The following SLC17A6 variants were observed in gnomAD, a reference collection of about 807,000 sequenced individuals.
The protein encoded by SLC17A6 is solute carrier family 17 member 6.
Under a neutral mutation model 67.1 loss-of-function variants are expected in SLC17A6, and 35 were observed. The observed-to-expected ratio is 0.52, with a 90% CI of 0.40 to 0.69. SLC17A6 has a LOEUF of 0.69. SLC17A6 is among the 30% of genes least tolerant of loss of function. The pLI is 0.00. For missense variants in SLC17A6, 588 were observed against 723.9 expected, an observed-to-expected ratio of 0.81 and a Z score of 2.15; for synonymous variants, 285 against 252.3, an observed-to-expected ratio of 1.13 and a Z score of -1.23.
intron 5 of SLC17A6, among the ~76,000 whole-genome samples, 167 bp from the exon 6 acceptor site, chr11:22,362,572 C>T (rs957095079): frequency 6.6e-6 from 1 of 152,006 alleles, no homozygotes; most frequent in African/African-American, 2.4e-5. Context: ...TTCCTGTGTA[C>T]GTATGTAGAC....
At chr11:22,353,706 A>T (rs1043959164) in intron 3 of SLC17A6, among the ~76,000 whole-genome samples, 1 of 152,156 alleles carries the variant, frequency 6.6e-6, no homozygotes, top group South Asian at 2.1e-4. Flanking sequence ...TTTTTAAAGG[A>T]CATCTTCCAT....
At chr11:22,340,178 T>C (rs928033480) in intron 1 of SLC17A6, among the ~76,000 whole-genome samples, 9 of 152,186 alleles carry the variant, frequency 5.9e-5, no homozygotes, top group Non-Finnish European at 1.0e-4. Flanking sequence ...GTGAAAACAA[T>C]TGGGTGTTCA....
At chr11:22,349,530 T>TC (rs1170172760) in intron 3 of SLC17A6, among the ~76,000 whole-genome samples, 1 of 152,192 alleles carries the variant, frequency 6.6e-6, no homozygotes, top group Non-Finnish European at 1.5e-5. Context: ...CATTCTCCAA[T>TC]CCCTTACCCC....
chr11:22,365,482 A>C, intron 6 of SLC17A6, 65 bp from the exon 7 acceptor site: 1 of 1,502,010 alleles, frequency 6.7e-7, no homozygotes, highest in South Asian at 1.1e-5. Flanking sequence ...AGATGATTGC[A>C]GTTTTATTGC....
At position 22,376,522 on chromosome 11, in the gene SLC17A6, C is replaced by A. The variant is rs1856234436; in HGVS notation, c.1286-23C>A. ...CTAAGACGTTTAGGATGCCCTGAGT[C>A]AAAACTTATGTGTGTATTTCAGGTT... On this transcript the variant is annotated intron_variant, in intron 10 of 11. Transcript: ENST00000263160. The A allele has an allele frequency of 1.9e-6, 3 of 1,613,472 alleles. No individual in the cohort carries two copies. In the South Asian group the frequency reaches 3.3e-5, roughly 18 times the overall value.
chr11:22,338,733 T>C (rs1590374224), intron 1 of SLC17A6, 114 bp downstream of exon 1: 1 of 756,936 alleles, frequency 1.3e-6, no homozygotes, highest in Non-Finnish European at 2.2e-6. Flanking sequence ...AAAGTCTTTT[T>C]GTTGCCCATT....
chr11:22,358,008 A>T (rs1436919573), intron 3 of SLC17A6, among the ~76,000 whole-genome samples: 1 of 152,188 alleles, frequency 6.6e-6, no homozygotes, highest in Non-Finnish European at 1.5e-5. Flanking sequence ...GTTTTAATTC[A>T]CTGCTGTTTG....
At chr11:22,343,049 A>T in intron 2 of SLC17A6, 198 bp from the exon 3 acceptor site, 1 of 644,226 alleles carries the variant, frequency 1.6e-6, no homozygotes, top group East Asian at 2.8e-5. Flanking sequence ...TATTAATCAC[A>T]ATACATTTTG....
At chr11:22,362,025 A>G (rs1856058355) in intron 5 of SLC17A6, among the ~76,000 whole-genome samples, 1 of 151,066 alleles carries the variant, frequency 6.6e-6, no homozygotes, top group African/African-American at 2.4e-5. Flanking sequence ...TATGTCTAAG[A>G]CCTTTTTTTT....
At chr11:22,347,415 C>T (rs766803376) in intron 3 of SLC17A6, among the ~76,000 whole-genome samples, 55 of 151,964 alleles carry the variant, frequency 3.6e-4, no homozygotes, top group Non-Finnish European at 7.1e-4. Context: ...TGGGTCGTAA[C>T]AGCTAAATAT....
intron 7 of SLC17A6, among the ~76,000 whole-genome samples, chr11:22,367,281 TA>T (rs748609871): frequency 4.1e-3 from 583 of 142,560 alleles, no homozygotes; most frequent in Middle Eastern, 7.2e-3. Context: ...CATCATAGGT[TA>T]AAAAAAAAAA....
At position 22,365,697 on chromosome 11, in the gene SLC17A6, A is replaced by G. The variant is rs1856104311; in HGVS notation, c.891+8A>G. The G allele has an allele frequency of 6.2e-7, 1 of 1,612,130 alleles. No homozygotes were observed. Among genetic ancestry groups the G allele is most frequent in the Non-Finnish European group, 8.5e-7 (1 of 1,179,150 alleles). Reference sequence around the variant, plus strand: ...CTTTTAGGTGCAATGGAAGTAAGAAATTTATTATGGTGTATATTCCTATCT... The same window carrying G: ...CTTTTAGGTGCAATGGAAGTAAGAAGTTTATTATGGTGTATATTCCTATCT... On this transcript the variant is annotated splice_region_variant and intron_variant, in intron 7 of 11. Transcript: ENST00000263160.
chr11:22,341,733 A>C lies in SLC17A6; in HGVS notation c.292A>C (p.Met98Leu). 1 of 1,614,166 alleles carries C rather than the reference A, an allele frequency of 6.2e-7. No individual in the cohort carries two copies. Residue 98 changes from methionine to leucine, a missense_variant, in exon 2 of 12, where the codon ATG (methionine) becomes CTG (leucine). By Grantham distance (15) the Met-to-Leu change is conservative. Around this residue, in one of 4 missense-constraint regions of SLC17A6, gnomAD observed 48 missense variants for 36.5 expected, o/e 1.32. Transcript: ENST00000263160. ...RCNLGVAIVD[M>L]VNNSTIHRGG... The stretch of plus-strand genomic sequence containing the variant: ...CAACCTGGGCGTGGCCATTGTGGAC[A>C]TGGTCAACAACAGCACCATCCACCG...
chr11:22,361,112 G>T, intron 5 of SLC17A6, 128 bp downstream of exon 5: 10 of 604,830 alleles, frequency 1.7e-5, no homozygotes, highest in South Asian at 1.1e-4. Flanking sequence ...TGAGTGGTAA[G>T]GTTTTTGACC....
rs145050101 is a variant in SLC17A6 at position 22,342,588 on chromosome 11, C to A, written c.340-659C>A. Reference sequence around the variant, plus strand: ...CCTTGAGGTTCCCCTCGGGGAGTCACCCAGGCTGCTCAGGGCGGAATTAGA... The same window carrying A: ...CCTTGAGGTTCCCCTCGGGGAGTCAACCAGGCTGCTCAGGGCGGAATTAGA... On this transcript the variant is annotated intron_variant, in intron 2 of 11. Transcript: ENST00000263160. 7.6e-3 allele frequency among the ~76,000 whole-genome samples: 1,161 copies of A among 152,276 alleles called. 19 individuals carry two copies. The highest frequency in any genetic ancestry group is 0.027 in the African/African-American group (1,114 of 41,550).
intron 3 of SLC17A6, 137 bp downstream of exon 3, chr11:22,343,502 C>A: frequency 1.6e-6 from 1 of 644,808 alleles, no homozygotes; most frequent in Non-Finnish European, 2.6e-6. Flanking sequence ...CTTGACACAC[C>A]CTCTCAGGGC....
At chr11:22,351,522 C>A (rs554541226) in intron 3 of SLC17A6, among the ~76,000 whole-genome samples, 4 of 152,110 alleles carry the variant, frequency 2.6e-5, no homozygotes, top group Non-Finnish European at 2.9e-5. Flanking sequence ...CCCCGATACA[C>A]TAGATGGTAT....
chr11:22,345,296 G>A (rs1361394443), intron 3 of SLC17A6, among the ~76,000 whole-genome samples: 14 of 150,086 alleles, frequency 9.3e-5, no homozygotes, highest in Non-Finnish European at 3.0e-5. Context: ...TAATTTATCT[G>A]GTAGATTTTA....
chr11:22,372,464 C>T (rs1477004378), intron 8 of SLC17A6, among the ~76,000 whole-genome samples: 1 of 151,564 alleles, frequency 6.6e-6, no homozygotes, highest in African/African-American at 2.4e-5. Context: ...TTGAAAATGG[C>T]ATATCAGCGG....
Sources: allele counts gnomAD v4.1 joint callset (sites outside exome capture counted in the v4.1 genomes callset), GRCh38; gene constraint gnomAD v4.1.1; regional missense constraint gnomAD v4.1.1; transcripts MANE v1.5; gene names NCBI Gene and HGNC (gene_info 2026-07-23, HGNC 2026-07-21).